The following PCDHA7 variants were observed in gnomAD, a reference collection of about 807,000 sequenced individuals.
The protein encoded by PCDHA7 is protocadherin alpha 7.
A neutral mutation model predicts 57.2 loss-of-function variants in PCDHA7; 37 were observed. That is an observed-to-expected ratio of 0.65 (90% CI 0.50 to 0.85). PCDHA7 has a LOEUF of 0.85. Ranked by LOEUF, PCDHA7 falls within the 40% of genes least tolerant of loss-of-function variation. The pLI is 0.00. For missense variants in PCDHA7, 1,188 were observed against 1,241.8 expected (o/e 0.96, Z 0.65); for synonymous variants, 553 against 558.8 (o/e 0.99, Z 0.15).
chr5:140,928,807 C>G (rs782261335), intron 1 of PCDHA7: 1 of 1,614,094 alleles, frequency 6.2e-7, no homozygotes, highest in Admixed American at 1.7e-5. Context: ...GGTAGTGGTT[C>G]GGGACCATGG....
intron 1 of PCDHA7, chr5:140,858,613 T>A (rs953930839): frequency 8.3e-7 from 1 of 1,208,634 alleles, no homozygotes; most frequent in Non-Finnish European, 1.1e-6. Context: ...AATTTTTTTA[T>A]CCTACCCAGT....
At chr5:140,909,560 C>A (rs2074577216) in intron 1 of PCDHA7, among the ~76,000 whole-genome samples, 1 of 152,284 alleles carries the variant, frequency 6.6e-6, no homozygotes, top group Middle Eastern at 3.4e-3. Flanking sequence ...ATCTCTGCAA[C>A]CCATCCAGAG....
At chr5:140,870,417 C>T (rs2051990915) in intron 1 of PCDHA7, 1 of 1,614,092 alleles carries the variant, frequency 6.2e-7, no homozygotes, top group Admixed American at 1.7e-5. Flanking sequence ...GGGCCACGGC[C>T]AGGGTATCCG....
intron 1 of PCDHA7, among the ~76,000 whole-genome samples, chr5:140,887,455 A>T (rs1334702818): frequency 6.6e-6 from 1 of 152,134 alleles, no homozygotes; most frequent in Non-Finnish European, 1.5e-5. Flanking sequence ...ACAGTTTTTT[A>T]AAAGATATAA....
rs201890234 is a variant in PCDHA7, at chr5:140,842,178, A to C, written c.2355+5440A>C. ...TCATATTCTTTTAATAGCCTTGTTG[A>C]AACTATGGTTATTGACCACTTTAGC... On this transcript the variant is annotated intron_variant, in intron 1 of 3. Transcript: ENST00000525929. 3.1e-4 allele frequency: 494 copies of C among 1,613,248 alleles called. 6 individuals are homozygous for C. Among genetic ancestry groups the C allele is most frequent in the African/African-American group, 2.3e-3 (170 of 74,856 alleles).
chr5:140,921,715 G>A (rs1313930887), intron 1 of PCDHA7, among the ~76,000 whole-genome samples: 9 of 152,080 alleles, frequency 5.9e-5, no homozygotes, highest in African/African-American at 1.7e-4. Flanking sequence ...GTAAACACAC[G>A]AATTACTCCC....
intron 1 of PCDHA7, among the ~76,000 whole-genome samples, chr5:140,897,064 CTT>C (rs1313385579): frequency 3.3e-5 from 5 of 152,042 alleles, no homozygotes; most frequent in Non-Finnish European, 4.4e-5. Flanking sequence ...AATACTATGT[CTT>C]ATTCATTTTT....
intron 1 of PCDHA7, among the ~76,000 whole-genome samples, chr5:140,855,664 C>G (rs2043557127): frequency 6.7e-6 from 1 of 149,694 alleles, no homozygotes. Flanking sequence ...GAAGAAATCA[C>G]TACTCTGAGA....
chr5:140,892,993 C>T (rs2063771968), intron 1 of PCDHA7, among the ~76,000 whole-genome samples: 1 of 152,170 alleles, frequency 6.6e-6, no homozygotes, highest in Non-Finnish European at 1.5e-5. Flanking sequence ...TAAGTGAGAA[C>T]ATGTATTTAT....
chr5:140,918,511 C>G (rs574083461), intron 1 of PCDHA7, among the ~76,000 whole-genome samples: 1 of 152,144 alleles, frequency 6.6e-6, no homozygotes, highest in African/African-American at 2.4e-5. Flanking sequence ...TCCTTTTAAA[C>G]TTATTGAGGA....
chr5:140,840,441 T>C (rs1163219857), intron 1 of PCDHA7, among the ~76,000 whole-genome samples: 1 of 151,848 alleles, frequency 6.6e-6, no homozygotes, highest in Non-Finnish European at 1.5e-5. Context: ...GCCGTGGAAA[T>C]AGAAACGTTA....
intron 1 of PCDHA7, chr5:140,843,831 T>C: frequency 8.9e-7 from 1 of 1,120,120 alleles, no homozygotes; most frequent in Non-Finnish European, 1.3e-6. Context: ...TAAACATTGT[T>C]TAGTTTTTAG....
chr5:140,858,185 C>T, intron 1 of PCDHA7: 1 of 1,597,454 alleles, frequency 6.3e-7, no homozygotes, highest in South Asian at 1.1e-5. Flanking sequence ...GGTGCTCACG[C>T]TGCTGCTGTA....
intron 3 of PCDHA7, among the ~76,000 whole-genome samples, chr5:141,003,515 G>C (rs1402480495): frequency 1.3e-5 from 2 of 152,114 alleles, no homozygotes; most frequent in Admixed American, 6.5e-5. Flanking sequence ...GTTTCACCAT[G>C]TTCCCTAGGC....
chr5:140,982,094 G>T (rs2096965818), intron 2 of PCDHA7, among the ~76,000 whole-genome samples: 1 of 152,230 alleles, frequency 6.6e-6, no homozygotes, highest in Admixed American at 6.5e-5. Context: ...AGGAACAAGA[G>T]AACCTGCAAG....
At chr5:140,849,170 C>T in intron 1 of PCDHA7, 2 of 1,111,514 alleles carry the variant, frequency 1.8e-6, no homozygotes, top group East Asian at 2.6e-5. Context: ...TGACTGGCAC[C>T]GTTCAATTAC....
At chr5:140,875,465 T>G in intron 1 of PCDHA7, 1 of 1,599,690 alleles carries the variant, frequency 6.3e-7, no homozygotes, top group Non-Finnish European at 8.5e-7. Flanking sequence ...AGGCCCTCAT[T>G]TTCTGCAATG....
intron 1 of PCDHA7, among the ~76,000 whole-genome samples, chr5:140,937,624 A>G (rs2091636613): frequency 6.6e-6 from 1 of 150,778 alleles, no homozygotes; most frequent in Non-Finnish European, 1.5e-5. Context: ...CTAAAAAGAA[A>G]AAGAAAGGCA....
At chr5:140,864,331 T>C (rs2048422342) in intron 1 of PCDHA7, 1 of 152,248 alleles carries the variant, frequency 6.6e-6, no homozygotes, top group Admixed American at 6.5e-5. Flanking sequence ...CATAATTATT[T>C]GAGTTTAAAA....
Sources: allele counts gnomAD v4.1 joint callset (sites outside exome capture counted in the v4.1 genomes callset), GRCh38; gene constraint gnomAD v4.1.1; transcripts MANE v1.5; gene names NCBI Gene and HGNC (gene_info 2026-07-23, HGNC 2026-07-21).